Variants in PTPRD observed in about 807,000 individuals in gnomAD.
PTPRD encodes the protein protein tyrosine phosphatase receptor type D.
In PTPRD, 34 loss-of-function variants were observed where a neutral mutation model predicts 214.5. The observed-to-expected ratio is 0.16, with a 90% CI of 0.12 to 0.21. PTPRD has a LOEUF of 0.21. Ranked by LOEUF, PTPRD falls within the 10% of genes least tolerant of loss-of-function variation. PTPRD has a pLI of 1.00. For synonymous variants in PTPRD, 1,128 were observed against 845.7 expected (o/e 1.33, Z -5.79); for missense variants, 2,545 against 2,398.7 (o/e 1.06, Z -1.27).
intron 2 of PTPRD, among the ~76,000 whole-genome samples, chr9:10,481,525 G>C (rs993261880): frequency 9.2e-5 from 14 of 152,132 alleles, no homozygotes; most frequent in Admixed American, 2.0e-4. Flanking sequence ...TATTTAAGAA[G>C]ACAAGGATTT....
chr9:9,102,602 C>T (rs1216534540), intron 10 of PTPRD, among the ~76,000 whole-genome samples: 2 of 152,224 alleles, frequency 1.3e-5, no homozygotes, highest in Non-Finnish European at 2.9e-5. Context: ...TTCGCTTTCC[C>T]ACCAGGGTGG....
chr9:9,380,017 C>T (rs377055128), intron 9 of PTPRD, among the ~76,000 whole-genome samples: 4 of 151,692 alleles, frequency 2.6e-5, no homozygotes, highest in East Asian at 3.9e-4. Flanking sequence ...ATTTTAATTT[C>T]GTCTTGTTAC....
intron 8 of PTPRD, among the ~76,000 whole-genome samples, chr9:9,479,221 C>CT (rs1569568683): frequency 7.0e-5 from 2 of 28,712 alleles, no homozygotes; most frequent in African/African-American, 2.2e-4. Context: ...ACACGCCCCC[C>CT]CCCCCCCCAC....
intron 8 of PTPRD, among the ~76,000 whole-genome samples, chr9:9,559,099 T>C (rs1264305091): frequency 6.6e-6 from 1 of 152,126 alleles, no homozygotes; most frequent in Non-Finnish European, 1.5e-5. Context: ...ATGATGACTG[T>C]AGCCTGTCCT....
chr9:8,583,153 T>G (rs1171240112), intron 14 of PTPRD, among the ~76,000 whole-genome samples: 1 of 152,148 alleles, frequency 6.6e-6, no homozygotes, highest in Admixed American at 6.5e-5. Flanking sequence ...ATACACAGTT[T>G]ACGATAGGTT....
chr9:9,853,635 C>G (rs1267981791), intron 5 of PTPRD, among the ~76,000 whole-genome samples: 1 of 151,762 alleles, frequency 6.6e-6, no homozygotes, highest in Non-Finnish European at 1.5e-5. Flanking sequence ...TGCAACCTCT[C>G]CCTCCCAGGT....
chr9:10,257,271 A>G (rs1595512216), intron 3 of PTPRD, among the ~76,000 whole-genome samples: 1 of 152,216 alleles, frequency 6.6e-6, no homozygotes, highest in Admixed American at 6.5e-5. Flanking sequence ...CAATTTGCCT[A>G]TATCTGCTCC....
At chr9:9,885,965 C>A (rs1363217919) in intron 5 of PTPRD, among the ~76,000 whole-genome samples, 1 of 150,468 alleles carries the variant, frequency 6.6e-6, no homozygotes, top group Non-Finnish European at 1.5e-5. Context: ...CATTTGATAC[C>A]TTACAAAACC....
chr9:10,185,034 G>C (rs1489492396), intron 3 of PTPRD, among the ~76,000 whole-genome samples: 3 of 152,212 alleles, frequency 2.0e-5, no homozygotes, highest in South Asian at 4.1e-4. Context: ...AAGTCAAGGA[G>C]ATTAATGCAG....
intron 5 of PTPRD, among the ~76,000 whole-genome samples, chr9:9,923,747 G>C (rs1409770463): frequency 1.3e-5 from 2 of 151,938 alleles, no homozygotes; most frequent in Non-Finnish European, 2.9e-5. Flanking sequence ...TCATTGAAGA[G>C]AAGTACACAT....
At chr9:8,332,094 C>CAAAATGGAACATAT (rs151162767) in intron 43 of PTPRD, among the ~76,000 whole-genome samples, 1 of 151,906 alleles carries the variant, frequency 6.6e-6, no homozygotes, top group Middle Eastern at 3.4e-3. Flanking sequence ...GCATTCCTTC[C>CAAAATGGAACATAT]AAAATGGAAC....
intron 3 of PTPRD, among the ~76,000 whole-genome samples, chr9:10,060,865 C>T (rs10958853): frequency 3.4e-4 from 31 of 91,570 alleles, no homozygotes; most frequent in African/African-American, 3.1e-3. Context: ...TTCTTCCTTC[C>T]TTCTTTCCTT....
rs116549320 is a variant in PTPRD at position 9,442,687 on chromosome 9, C to A, written c.-236-45205G>T. 3.8e-3 allele frequency among the ~76,000 whole-genome samples: 578 copies of A among 152,184 alleles called. 1 individual carries two copies. The highest frequency in any genetic ancestry group is 0.011 in the African/African-American group (466 of 41,522). On this transcript the variant is annotated intron_variant, in intron 8 of 45. Coordinates refer to ENST00000381196, the MANE Select transcript of PTPRD (RefSeq NM_002839.4). ...AGATGTTCTATTATATTTTCAAAGT[C>A]TTTCTGAAGCTGTAAATCAAAAGCT...
chr9:9,760,909 G>A (rs143662629), intron 6 of PTPRD, among the ~76,000 whole-genome samples: 10 of 152,238 alleles, frequency 6.6e-5, no homozygotes, highest in African/African-American at 2.2e-4. Context: ...ACCAAATGCT[G>A]GCAGGGATAC....
At chr9:9,473,139 C>T (rs1356259564) in intron 8 of PTPRD, among the ~76,000 whole-genome samples, 1 of 152,084 alleles carries the variant, frequency 6.6e-6, no homozygotes, top group African/African-American at 2.4e-5. Context: ...CACTTCCCAC[C>T]TTCTAATATC....
intron 7 of PTPRD, among the ~76,000 whole-genome samples, chr9:9,647,883 G>T (rs559314591): frequency 6.6e-6 from 1 of 152,254 alleles, no homozygotes; most frequent in Non-Finnish European, 1.5e-5. Context: ...AGATCAAAAT[G>T]TTGCTCTGAG....
intron 39 of PTPRD, among the ~76,000 whole-genome samples, chr9:8,345,954 T>G (rs76784031): frequency 1.3e-5 from 2 of 152,226 alleles, no homozygotes; most frequent in East Asian, 3.9e-4. Context: ...CTTCTTTCTC[T>G]CAGTAGTAGT....
intron 34 of PTPRD, among the ~76,000 whole-genome samples, chr9:8,446,342 T>G (rs1268319074): frequency 6.6e-6 from 1 of 152,224 alleles, no homozygotes; most frequent in Non-Finnish European, 1.5e-5. Flanking sequence ...TAACTTAGAA[T>G]GTAAATCAAT....
chr9:10,197,380 G>T (rs779645565), intron 3 of PTPRD, among the ~76,000 whole-genome samples: 2 of 152,112 alleles, frequency 1.3e-5, no homozygotes, highest in East Asian at 1.9e-4. Context: ...CAACAGAATA[G>T]AAATGTGAGA....
Sources: gnomAD v4.1 joint callset for allele counts (sites outside exome capture counted in the v4.1 genomes callset) on GRCh38, gnomAD v4.1.1 for gene constraint, MANE v1.5 for transcripts, NCBI Gene and HGNC (gene_info 2026-07-23, HGNC 2026-07-21) for gene names.